The following ADK variants were observed in gnomAD, a reference collection of about 807,000 sequenced individuals.
ADK encodes N6,N6-dimethyladenosine kinase.
A neutral mutation model predicts 44.7 loss-of-function variants in ADK; 24 were observed. The ratio of observed to expected loss-of-function variants is 0.54; its 90% CI spans 0.39 to 0.76. ADK has a LOEUF of 0.76. ADK is among the 30% of genes least tolerant of loss of function. The pLI is 0.00. For missense variants in ADK, 321 were observed against 425.1 expected (o/e 0.76, Z 2.15); for synonymous variants, 128 against 142.6 (o/e 0.90, Z 0.73).
chr10:74,653,137 C>T (rs1288107049), intron 9 of ADK, among the ~76,000 whole-genome samples: 1 of 152,120 alleles, frequency 6.6e-6, no homozygotes, highest in African/African-American at 2.4e-5. Context: ...TGTAGCTCAA[C>T]TTTAGATCCT....
chr10:74,600,653 G>A (rs898882860), intron 9 of ADK, among the ~76,000 whole-genome samples, 160 bp downstream of exon 9: 3 of 151,168 alleles, frequency 2.0e-5, no homozygotes, highest in Non-Finnish European at 4.4e-5. Context: ...CTGTATCTCA[G>A]TAGAAAAGAT....
chr10:74,506,304 AC>A, intron 6 of ADK: 1 of 248,030 alleles, frequency 4.0e-6, no homozygotes, highest in South Asian at 4.5e-5. Flanking sequence ...ATGGTGGGCA[AC>A]CACAGCTGCA....
chr10:74,508,703 G>A (rs1167482830), intron 6 of ADK, among the ~76,000 whole-genome samples: 2 of 151,982 alleles, frequency 1.3e-5, no homozygotes, highest in African/African-American at 4.8e-5. Flanking sequence ...ATCTGACTTA[G>A]GCATAGTTTC....
At chr10:74,636,742 G>A (rs1346721254) in intron 9 of ADK, among the ~76,000 whole-genome samples, 1 of 152,206 alleles carries the variant, frequency 6.6e-6, no homozygotes, top group Admixed American at 6.5e-5. Context: ...AGAGGAAGCA[G>A]CCAATAATAC....
chr10:74,398,478 A>T lies in ADK; in HGVS notation c.454A>T (p.Ile152Leu). 1 of 1,609,008 alleles carries T rather than the reference A, an allele frequency of 6.2e-7. No homozygotes were observed. Among genetic ancestry groups the T allele is most frequent in the Non-Finnish European group, 8.5e-7 (1 of 1,176,064 alleles). Residue 152 changes from isoleucine (I) to leucine (L), a missense_variant, in exon 6 of 11, where the codon ATA (isoleucine) becomes TTA (leucine). By Grantham distance (5) the Ile-to-Leu change is conservative. Coordinates refer to ENST00000539909, the MANE Select transcript of ADK (RefSeq NM_006721.4). ...ACITGDNRSLIANLAAANCYK... is the reference protein window; with the variant it reads ...ACITGDNRSLLANLAAANCYK... ...ATTCTTTGGTTGTTTTAGGTCCCTCATAGCTAATCTTGCTGCTGCCAATTG... is the reference window on the plus strand; with the variant it reads ...ATTCTTTGGTTGTTTTAGGTCCCTCTTAGCTAATCTTGCTGCTGCCAATTG...
intron 1 of ADK, among the ~76,000 whole-genome samples, chr10:74,196,315 G>T (rs142612410): frequency 1.3e-5 from 2 of 152,072 alleles, no homozygotes; most frequent in African/African-American, 4.8e-5. Flanking sequence ...GCCAAGGAGG[G>T]CAGATCACGA....
chr10:74,193,200 T>C (rs1171308049), intron 1 of ADK, among the ~76,000 whole-genome samples: 2 of 152,178 alleles, frequency 1.3e-5, no homozygotes, highest in African/African-American at 2.4e-5. Flanking sequence ...ATAGTGTCTA[T>C]ATAGTGTCTT....
rs554466190 is a variant in ADK at position 74,258,119 on chromosome 10, C to T, written c.194+33528C>T. Among the ~76,000 whole-genome samples, 13 of 152,186 alleles carry T rather than the reference C, an allele frequency of 8.5e-5. No individual in the cohort carries two copies. The South Asian group carries it at 2.5e-3, about 29-fold the overall frequency. On this transcript the variant is annotated intron_variant, in intron 3 of 10. Transcript: ENST00000539909. ...ATGAGCTTTTCCTCTTGCTTGAATA[C>T]CTTTTTAAAGGAGTTATGAGAAATA...
chr10:74,533,756 C>G (rs935766348), intron 7 of ADK, among the ~76,000 whole-genome samples: 1 of 152,104 alleles, frequency 6.6e-6, no homozygotes, highest in Non-Finnish European at 1.5e-5. Flanking sequence ...CTCCAAATGA[C>G]CTAGCTATCC....
chr10:74,423,186 G>A (rs528771740), intron 6 of ADK, among the ~76,000 whole-genome samples: 1 of 152,278 alleles, frequency 6.6e-6, no homozygotes. Context: ...GAAATGGGAA[G>A]AGCAGAAAAT....
intron 2 of ADK, among the ~76,000 whole-genome samples, chr10:74,205,511 A>C (rs550538920): frequency 8.6e-4 from 131 of 151,992 alleles, no homozygotes; most frequent in Non-Finnish European, 1.4e-3. Flanking sequence ...TTCCGTCTCT[A>C]TTAAAAATAC....
At chr10:74,464,410 A>G (rs907531414) in intron 6 of ADK, among the ~76,000 whole-genome samples, 2 of 151,868 alleles carry the variant, frequency 1.3e-5, no homozygotes, top group Admixed American at 6.6e-5. Flanking sequence ...AATTACCTGG[A>G]CATGGTGGCA....
intron 8 of ADK, among the ~76,000 whole-genome samples, chr10:74,594,692 AAG>A (rs1851840849): frequency 6.6e-6 from 1 of 151,896 alleles, no homozygotes; most frequent in Admixed American, 6.6e-5. Flanking sequence ...AAAAAGAATG[AAG>A]AGAGTATGTT....
chr10:74,654,150 G>A (rs1854389877), intron 9 of ADK, among the ~76,000 whole-genome samples: 1 of 152,150 alleles, frequency 6.6e-6, no homozygotes. Context: ...CAAAAATAAA[G>A]AACTTTGTAT....
At chr10:74,358,692 T>C (rs1430737335) in intron 4 of ADK, among the ~76,000 whole-genome samples, 1 of 152,224 alleles carries the variant, frequency 6.6e-6, no homozygotes, top group Non-Finnish European at 1.5e-5. Context: ...GACAAAGGTA[T>C]TAGAATTTTA....
At chr10:74,643,666 T>C (rs1348997611) in intron 9 of ADK, among the ~76,000 whole-genome samples, 1 of 152,240 alleles carries the variant, frequency 6.6e-6, no homozygotes, top group Non-Finnish European at 1.5e-5. Context: ...TATTACTGTT[T>C]ATTTTTTATT....
At chr10:74,181,364 A>G (rs192209991) in intron 1 of ADK, among the ~76,000 whole-genome samples, 147 of 152,174 alleles carry the variant, frequency 9.7e-4, no homozygotes, top group Non-Finnish European at 1.8e-3. Context: ...ATTCTATTCT[A>G]CTTAATTACT....
intron 4 of ADK, among the ~76,000 whole-genome samples, chr10:74,319,360 G>T (rs145769493): frequency 1.2e-4 from 18 of 152,256 alleles, no homozygotes; most frequent in African/African-American, 3.9e-4. Context: ...CAGAGGCCTC[G>T]CTTCTTAGCC....
At chr10:74,546,439 G>A (rs943705625) in intron 7 of ADK, among the ~76,000 whole-genome samples, 4 of 152,010 alleles carry the variant, frequency 2.6e-5, no homozygotes, top group Non-Finnish European at 5.9e-5. Context: ...TATTAACTCA[G>A]CTTCACATTT....
Sources: allele counts gnomAD v4.1 joint callset (sites outside exome capture counted in the v4.1 genomes callset), GRCh38; gene constraint gnomAD v4.1.1; transcripts MANE v1.5; gene names NCBI Gene and HGNC (gene_info 2026-07-23, HGNC 2026-07-21).